CPLANE1: variants seen among roughly 807,000 people sequenced by gnomAD.
CPLANE1 encodes ciliogenesis and planar polarity effector complex subunit 1.
In CPLANE1, 263 loss-of-function variants were observed where a neutral mutation model predicts 362.5. The observed-to-expected ratio is 0.73, with a 90% CI of 0.66 to 0.80. The LOEUF is 0.80. Ranked by LOEUF, CPLANE1 falls within the 30% of genes least tolerant of loss-of-function variation. CPLANE1 has a pLI of 0.00. For missense variants in CPLANE1, 3,461 were observed against 3,793.4 expected (o/e 0.91, Z 2.30); for synonymous variants, 1,212 against 1,302.6 (o/e 0.93, Z 1.50).
chr5:37,153,620 C>T, intron 42 of CPLANE1, 120 bp downstream of exon 42: 2 of 1,025,874 alleles, frequency 1.9e-6, no homozygotes, highest in Non-Finnish European at 2.8e-6. Context: ...GGTTGACAAA[C>T]CCTAGCTTAA....
At chr5:37,224,983 C>T (rs908344422) in intron 12 of CPLANE1, among the ~76,000 whole-genome samples, 2 of 143,870 alleles carry the variant, frequency 1.4e-5, no homozygotes, top group Admixed American at 1.4e-4. Flanking sequence ...CAAGGTCTCA[C>T]TACGTTGCCC....
intron 15 of CPLANE1, among the ~76,000 whole-genome samples, chr5:37,215,331 G>A (rs532112075): frequency 1.3e-5 from 2 of 152,282 alleles, no homozygotes; most frequent in African/African-American, 4.8e-5. Flanking sequence ...TTACAGACAT[G>A]AGCCACTGTA....
intron 15 of CPLANE1, among the ~76,000 whole-genome samples, chr5:37,214,528 A>C (rs1793507000): frequency 6.6e-6 from 1 of 152,230 alleles, no homozygotes; most frequent in South Asian, 2.1e-4. Context: ...CATATATGGC[A>C]CTGTTCACAG....
At chr5:37,206,154 A>G in intron 17 of CPLANE1, 43 bp downstream of exon 17, 1 of 1,207,852 alleles carries the variant, frequency 8.3e-7, no homozygotes, top group Non-Finnish European at 1.2e-6. Flanking sequence ...TAAAATACAT[A>G]GTTCAATCAT....
intron 32 of CPLANE1, among the ~76,000 whole-genome samples, chr5:37,172,475 A>G (rs988647515): frequency 2.0e-5 from 3 of 152,218 alleles, no homozygotes; most frequent in Non-Finnish European, 2.9e-5. Flanking sequence ...AATGTGTTAA[A>G]TATATAGGAC....
chr5:37,139,786 G>A, intron 44 of CPLANE1: 1 of 895,382 alleles, frequency 1.1e-6, no homozygotes, highest in Middle Eastern at 5.6e-4. Context: ...CTGAGCTCAA[G>A]TGATTCACCT....
At chr5:37,210,343 C>A in intron 16 of CPLANE1, 2 of 1,234,450 alleles carry the variant, frequency 1.6e-6, no homozygotes, top group Non-Finnish European at 2.4e-6. Flanking sequence ...ATGACTGAGG[C>A]ACTTAGGAGA....
At chr5:37,227,477 T>C (rs1796701858) in intron 10 of CPLANE1, 85 bp from the exon 11 acceptor site, 1 of 1,481,984 alleles carries the variant, frequency 6.7e-7, no homozygotes, top group East Asian at 2.5e-5. Context: ...TATAGACAAC[T>C]GTATACAATT....
chr5:37,077,145 C>G, the CPLANE1 span, among the ~76,000 whole-genome samples: 1 of 152,044 alleles, frequency 6.6e-6, no homozygotes, highest in Non-Finnish European at 1.5e-5. Context: ...AGAAGTTGGA[C>G]CCTTGCTTGG....
At chr5:37,197,352 G>C (rs1787823719) in intron 20 of CPLANE1, among the ~76,000 whole-genome samples, 2 of 152,154 alleles carry the variant, frequency 1.3e-5, no homozygotes, top group Non-Finnish European at 2.9e-5. Flanking sequence ...CAGACTTCTT[G>C]TCAAATACAT....
intron 43 of CPLANE1, among the ~76,000 whole-genome samples, chr5:37,143,477 A>G (rs536492476): frequency 6.6e-6 from 1 of 152,336 alleles, no homozygotes; most frequent in East Asian, 1.9e-4. Context: ...AATAAATACA[A>G]CTTCTAGATA....
At chr5:37,232,839 CAAAAAAAAAAAA>C (rs765038993) in intron 8 of CPLANE1, among the ~76,000 whole-genome samples, 4,188 of 62,070 alleles carry the variant, frequency 0.067, 125 homozygotes, top group Middle Eastern at 0.23. Flanking sequence ...GACCTTGTTG[CAAAAAAAAAAAA>C]AAAAAAAAAA....
At chr5:37,160,189 A>G (rs1561447061) in intron 38 of CPLANE1, among the ~76,000 whole-genome samples, 1 of 152,182 alleles carries the variant, frequency 6.6e-6, no homozygotes, top group Non-Finnish European at 1.5e-5. Flanking sequence ...CAACTTCGAT[A>G]AACTACTTAG....
In CPLANE1 at chr5:37,175,975, G is replaced by A. The variant is rs1580432803; in HGVS notation, c.5912C>T (p.Ala1971Val). The change falls in exon 31 of 53, where the codon GCC becomes GTC. Residue 1971 changes from alanine (A) to valine (V), a missense_variant. Transcript: ENST00000651892. ...AGTGGTATGCCCAGGATGTGAAAAG[G>A]CTTCGATCATACTATCAATAAAAAT... Reference protein sequence around the residue: ...KSTEQKGMIEAFSHPGHTTPQ... With the variant: ...KSTEQKGMIEVFSHPGHTTPQ... 2 of 1,611,152 alleles carry A rather than the reference G, an allele frequency of 1.2e-6. No individual in the cohort carries two copies. Among genetic ancestry groups the A allele is most frequent in the Non-Finnish European group, 1.7e-6 (2 of 1,177,740 alleles).
At chr5:37,189,738 C>T (rs1784967982) in intron 21 of CPLANE1, among the ~76,000 whole-genome samples, 1 of 152,124 alleles carries the variant, frequency 6.6e-6, no homozygotes, top group Non-Finnish European at 1.5e-5. Context: ...GTGGCTCATG[C>T]CTGTAATCCC....
rs3832339 is a variant in CPLANE1 at position 37,125,458 on chromosome 5, CAGATA to C, written c.8793-54_8793-50del. 347,648 of 1,552,842 alleles carry C rather than the reference CAGATA, an allele frequency of 0.22. 41,277 individuals are homozygous for C. Among genetic ancestry groups the C allele is most frequent in the East Asian group, 0.34 (15,030 of 44,470 alleles). On this transcript the variant is annotated intron_variant, in intron 46 of 52. Coordinates refer to ENST00000651892, the MANE Select transcript of CPLANE1 (RefSeq NM_001384732.1). The stretch of plus-strand genomic sequence containing the variant: ...ATCATTTGCTTTTAAATTTGTTAAG[CAGATA>C]AGATATATCATGACTAAACACTATT...
chr5:37,107,063 T>G lies in CPLANE1; in HGVS notation c.*539A>C. 1.0e-6 allele frequency: 1 copy of G among 985,456 alleles called. No individual in the cohort carries two copies. The highest frequency in any genetic ancestry group is 1.2e-6 in the Non-Finnish European group (1 of 829,922). 61.0% of individuals were successfully genotyped at this position (985,456 alleles called of 1,614,324 possible). ...AAGACAGAAGATCTCCTGGCCTCCA[T>G]GAAACTTTGCTTATTTAGAGATTCA... On this transcript the variant is annotated 3_prime_UTR_variant, in exon 53 of 53. Transcript: ENST00000651892.
intron 32 of CPLANE1, among the ~76,000 whole-genome samples, chr5:37,172,686 C>T (rs545434008): frequency 6.6e-6 from 1 of 152,272 alleles, no homozygotes; most frequent in East Asian, 1.9e-4. Flanking sequence ...CCCCTAAGTT[C>T]AAAGAGAAAA....
At chr5:37,241,689 C>T (rs1455320956) in intron 6 of CPLANE1, among the ~76,000 whole-genome samples, 2 of 152,100 alleles carry the variant, frequency 1.3e-5, no homozygotes, top group East Asian at 1.9e-4. Flanking sequence ...TGCAGTGGCA[C>T]GATTTGAACT....
Sources: allele counts gnomAD v4.1 joint callset (sites outside exome capture counted in the v4.1 genomes callset), GRCh38; gene constraint gnomAD v4.1.1; transcripts MANE v1.5; gene names NCBI Gene and HGNC (gene_info 2026-07-23, HGNC 2026-07-21).